MAML2: variants seen among roughly 807,000 people sequenced by gnomAD.
MAML2 encodes the protein mastermind-like protein 2.
Under a neutral mutation model 96.1 loss-of-function variants are expected in MAML2, and 22 were observed. The ratio of observed to expected loss-of-function variants is 0.23; its 90% CI spans 0.16 to 0.33. The LOEUF (loss-of-function observed/expected upper bound fraction) is 0.33. MAML2 is among the 10% of genes least tolerant of loss of function. The pLI is 1.00. For synonymous variants in MAML2, 561 were observed against 521.3 expected (o/e 1.08, Z -1.04); for missense variants, 1,367 against 1,392.4 (o/e 0.98, Z 0.29).
At chr11:96,034,432 T>TGTGAGAGAGA (rs549312275) in intron 2 of MAML2, among the ~76,000 whole-genome samples, 1 of 135,656 alleles carries the variant, frequency 7.4e-6, no homozygotes, top group African/African-American at 2.9e-5. Flanking sequence ...TGTGTGTGTG[T>TGTGAGAGAGA]GAGAGAGAGA....
intron 2 of MAML2, among the ~76,000 whole-genome samples, chr11:96,050,283 G>A (rs1858970297): frequency 6.6e-6 from 1 of 152,192 alleles, no homozygotes; most frequent in South Asian, 2.1e-4. Flanking sequence ...AGGGGCTGAT[G>A]TGAAGGGCAG....
intron 1 of MAML2, among the ~76,000 whole-genome samples, chr11:96,116,087 A>C (rs1860235860): frequency 6.6e-6 from 1 of 152,174 alleles, no homozygotes; most frequent in Non-Finnish European, 1.5e-5. Flanking sequence ...CTAATGTAGC[A>C]ACACAGACAG....
chr11:96,026,490 G>A (rs1025102485), intron 2 of MAML2, among the ~76,000 whole-genome samples: 20 of 152,138 alleles, frequency 1.3e-4, no homozygotes, highest in Non-Finnish European at 1.5e-5. Context: ...GTGAGATGAT[G>A]CATATGTGAT....
rs748038151 is a variant in MAML2 at position 95,979,173 on chromosome 11, C to T, written c.3246G>A (p.Leu1082=). Residue 1082 remains leucine, a synonymous_variant, in exon 5 of 5, where the codon CTG becomes CTA. Coordinates refer to ENST00000524717, the MANE Select transcript of MAML2 (RefSeq NM_032427.4). ...TGGGTGAAGGAAAATTGCTGGGCGT[C>T]AGGGATGGTGGCTGGTTGATGCCCG... ...SRTGINQPPS[L]TPSNFPSPNQ... is the part of the protein sequence containing the mutation. 6.2e-7 allele frequency: 1 copy of T among 1,613,978 alleles called. No homozygotes were observed. The highest frequency in any genetic ancestry group is 1.1e-5 in the South Asian group (1 of 91,078).
intron 3 of MAML2, among the ~76,000 whole-genome samples, chr11:95,991,253 C>T (rs1460728278): frequency 2.0e-5 from 3 of 152,036 alleles, no homozygotes; most frequent in Non-Finnish European, 4.4e-5. Flanking sequence ...ATTCAAATGC[C>T]CATGTTGGTT....
At chr11:96,020,472 T>A (rs1858420211) in intron 2 of MAML2, among the ~76,000 whole-genome samples, 1 of 152,196 alleles carries the variant, frequency 6.6e-6, no homozygotes, top group South Asian at 2.1e-4. Flanking sequence ...TTTGCAAACT[T>A]TAATGTGCAT....
At chr11:96,334,725 C>T (rs1863894736) in intron 1 of MAML2, among the ~76,000 whole-genome samples, 1 of 152,162 alleles carries the variant, frequency 6.6e-6, no homozygotes, top group African/African-American at 2.4e-5. Context: ...GAATATTTTC[C>T]CAAACTCTAA....
intron 1 of MAML2, among the ~76,000 whole-genome samples, chr11:96,095,102 G>C (rs1859802817): frequency 6.6e-6 from 1 of 152,142 alleles, no homozygotes; most frequent in Non-Finnish European, 1.5e-5. Context: ...TAGCAAGTGG[G>C]CTTTAACTCA....
chr11:96,151,112 C>T (rs1442704717), intron 1 of MAML2, among the ~76,000 whole-genome samples: 1 of 152,158 alleles, frequency 6.6e-6, no homozygotes, highest in Non-Finnish European at 1.5e-5. Context: ...CTGCTGAATA[C>T]ACTTCAAACT....
At chr11:96,096,474 G>T (rs1292265295) in intron 1 of MAML2, among the ~76,000 whole-genome samples, 1 of 152,136 alleles carries the variant, frequency 6.6e-6, no homozygotes, top group African/African-American at 2.4e-5. Context: ...TTGCAGATGA[G>T]AAAACAGGTT....
At chr11:96,169,855 G>T (rs375381299) in intron 1 of MAML2, among the ~76,000 whole-genome samples, 1 of 152,114 alleles carries the variant, frequency 6.6e-6, no homozygotes, top group Non-Finnish European at 1.5e-5. Context: ...GGGTTTCCCC[G>T]TGTTGCCCAG....
intron 1 of MAML2, among the ~76,000 whole-genome samples, chr11:96,203,987 G>C (rs537686765): frequency 6.6e-6 from 1 of 152,304 alleles, no homozygotes; most frequent in African/African-American, 2.4e-5. Context: ...TTATCCAGGT[G>C]TAAATAGGGT....
At chr11:96,069,164 GCAATTTTCCCA>G (rs1305117644) in intron 2 of MAML2, among the ~76,000 whole-genome samples, 2 of 151,926 alleles carry the variant, frequency 1.3e-5, no homozygotes, top group Non-Finnish European at 2.9e-5. Flanking sequence ...CTGGCCTCAG[GCAATTTTCCCA>G]CCATGGTCTC....
At chr11:96,212,960 C>T (rs953411344) in intron 1 of MAML2, among the ~76,000 whole-genome samples, 2 of 152,112 alleles carry the variant, frequency 1.3e-5, no homozygotes, top group Admixed American at 1.3e-4. Context: ...CCTCGGTTTC[C>T]TCATCTTACA....
chr11:96,202,769 C>T (rs568841571), intron 1 of MAML2, among the ~76,000 whole-genome samples: 58 of 152,194 alleles, frequency 3.8e-4, no homozygotes, highest in African/African-American at 1.3e-3. Context: ...GCTGGGATTA[C>T]AGGCACATGC....
Position 95,979,083 on chromosome 11 carries a change from G to T in MAML2, c.3336C>A (p.Ser1112Arg). Residue 1112 changes from serine to arginine, a missense_variant, in exon 5 of 5, where the codon AGC becomes AGA. Ser to Arg is a moderately radical substitution (Grantham distance 110). Transcript: ENST00000524717. ...CAGGGCCCATGTTATCATTTTGTTG[G>T]CTGAGGAAGTCAAAAGCTAAGTCAC... ...HSSDLAFDFL[S>R]QQNDNMGPAL... 2 of 1,613,956 alleles carry T rather than the reference G, an allele frequency of 1.2e-6. No homozygotes were observed. The highest frequency in any genetic ancestry group is 1.7e-6 in the Non-Finnish European group (2 of 1,179,892).
chr11:96,194,327 T>G (rs1370424944), intron 1 of MAML2, among the ~76,000 whole-genome samples: 2 of 152,190 alleles, frequency 1.3e-5, no homozygotes, highest in Non-Finnish European at 2.9e-5. Flanking sequence ...GTATACATAG[T>G]TGAAGCTTAC....
intron 2 of MAML2, among the ~76,000 whole-genome samples, chr11:96,065,414 T>C (rs200948431): frequency 1.6e-5 from 1 of 63,922 alleles, no homozygotes; most frequent in Non-Finnish European, 3.7e-5. Context: ...CGTGCGTGCA[T>C]GCACACACAC....
intron 1 of MAML2, among the ~76,000 whole-genome samples, chr11:96,236,967 A>G (rs1439245602): frequency 6.6e-6 from 1 of 152,226 alleles, no homozygotes; most frequent in Non-Finnish European, 1.5e-5. Flanking sequence ...CCCAAAGAAC[A>G]GCACTGTCTG....
Sources: gnomAD v4.1 joint callset for allele counts (sites outside exome capture counted in the v4.1 genomes callset) on GRCh38, gnomAD v4.1.1 for gene constraint, MANE v1.5 for transcripts, NCBI Gene and HGNC (gene_info 2026-07-23, HGNC 2026-07-21) for gene names.